Variants in ARHGEF3 observed in about 807,000 individuals in gnomAD.
ARHGEF3 encodes the protein Rho guanine nucleotide exchange factor 3.
Under a neutral mutation model 63.2 loss-of-function variants are expected in ARHGEF3, and 28 were observed. That is an observed-to-expected ratio of 0.44 (90% CI 0.33 to 0.61). The LOEUF is 0.61. Among genes scored for constraint, ARHGEF3 ranks in the 20% least tolerant of loss-of-function variants. ARHGEF3 has a pLI of 0.03. For synonymous variants in ARHGEF3, 266 were observed against 254.2 expected (o/e 1.05, Z -0.44); for missense variants, 533 against 659.3 (o/e 0.81, Z 2.10).
At chr3:57,027,608 A>T (rs1014844993) in intron 2 of ARHGEF3, among the ~76,000 whole-genome samples, 5 of 152,148 alleles carry the variant, frequency 3.3e-5, no homozygotes, top group Admixed American at 2.6e-4. Context: ...TAATCCCAGC[A>T]CTTTGGGAGG....
chr3:56,910,844 G>A (rs1017072659), intron 3 of ARHGEF3, among the ~76,000 whole-genome samples: 4 of 152,102 alleles, frequency 2.6e-5, no homozygotes, highest in African/African-American at 4.8e-5. Context: ...TGTTTGAAGC[G>A]CTTCACAGAT....
rs60299557 is a variant in ARHGEF3, at chr3:56,994,064, C to CAAAAAAAAAA, written c.63-35185_63-35176dup. On this transcript the variant is annotated intron_variant, in intron 2 of 12. Coordinates refer to the ARHGEF3 transcript ENST00000338458. ...GGGCGACAAGAGTGAAACTTCGTCT[C>CAAAAAAAAAA]AAAAAAAAAAAAAAAAAAAAAGCAC... Among the ~76,000 whole-genome samples, 21 of 59,732 alleles carry CAAAAAAAAAA rather than the reference C, an allele frequency of 3.5e-4. 2 individuals carry two copies. Among genetic ancestry groups the CAAAAAAAAAA allele is most frequent in the Non-Finnish European group, 5.0e-4 (15 of 29,892 alleles). 39.2% of individuals were successfully genotyped at this position (59,732 alleles called of 152,430 possible). A position where few individuals can be genotyped will look rare whatever the true frequency, so the allele number is the denominator to read the frequency against.
intron 2 of ARHGEF3, among the ~76,000 whole-genome samples, chr3:57,002,525 A>G: frequency 1.1e-5 from 1 of 94,866 alleles, no homozygotes; most frequent in African/African-American, 3.6e-5. Context: ...TTATATATGT[A>G]TGTTATATAT....
intron 2 of ARHGEF3, among the ~76,000 whole-genome samples, chr3:56,767,398 T>G (rs2035761688): frequency 2.0e-5 from 3 of 151,422 alleles, no homozygotes; most frequent in Non-Finnish European, 4.4e-5. Flanking sequence ...CTGGCTAACA[T>G]GGTGAAACCC....
intron 2 of ARHGEF3, among the ~76,000 whole-genome samples, chr3:57,034,157 G>A (rs6762342): frequency 0.26 from 39,111 of 151,760 alleles, 5,472 homozygotes; most frequent in Middle Eastern, 0.33. Flanking sequence ...GAGTCTTGCT[G>A]TGTTGCCCAG....
chr3:56,742,558 G>T (rs528417697), intron 7 of ARHGEF3, among the ~76,000 whole-genome samples: 31 of 152,062 alleles, frequency 2.0e-4, no homozygotes, highest in Admixed American at 1.9e-3. Context: ...AAGCTATATT[G>T]GTGCTTGTTT....
intron 2 of ARHGEF3, among the ~76,000 whole-genome samples, chr3:56,961,858 CATAGGGAAACACCA>C (rs1320274338): frequency 2.0e-5 from 3 of 152,168 alleles, no homozygotes; most frequent in African/African-American, 7.2e-5. Flanking sequence ...GCCTGGGCAA[CATAGGGAAACACCA>C]TCTCCGCTAA....
At chr3:56,748,549 ATTTT>A (rs71072193) in intron 6 of ARHGEF3, among the ~76,000 whole-genome samples, 41 of 136,680 alleles carry the variant, frequency 3.0e-4, no homozygotes, top group Admixed American at 6.6e-4. Context: ...GAAAAAATCT[ATTTT>A]TTTTTTTTTT....
At chr3:56,840,231 C>T (rs935304497) in intron 4 of ARHGEF3, among the ~76,000 whole-genome samples, 4 of 152,198 alleles carry the variant, frequency 2.6e-5, no homozygotes, top group African/African-American at 9.7e-5. Flanking sequence ...CAGCCAACAA[C>T]AGTCAACAAC....
At chr3:57,056,777 T>C (rs1490858202) in intron 1 of ARHGEF3, among the ~76,000 whole-genome samples, 4 of 152,174 alleles carry the variant, frequency 2.6e-5, no homozygotes, top group Admixed American at 6.5e-5. Flanking sequence ...CTTGAACATA[T>C]ACCACAAGGT....
intron 4 of ARHGEF3, among the ~76,000 whole-genome samples, chr3:56,814,958 A>G (rs1484227849): frequency 6.6e-6 from 1 of 152,074 alleles, no homozygotes; most frequent in African/African-American, 2.4e-5. Flanking sequence ...GTAAGACCTC[A>G]TCTCTACAAT....
At chr3:56,792,993 T>G (rs1351633813) in intron 1 of ARHGEF3, among the ~76,000 whole-genome samples, 1 of 131,070 alleles carries the variant, frequency 7.6e-6, no homozygotes, top group Non-Finnish European at 1.6e-5. Flanking sequence ...CGGCATTGGG[T>G]TTTTTTTTTT....
At chr3:56,813,879 T>C (rs1245819747) in intron 4 of ARHGEF3, among the ~76,000 whole-genome samples, 2 of 151,230 alleles carry the variant, frequency 1.3e-5, no homozygotes, top group African/African-American at 4.8e-5. Flanking sequence ...GCATCATTCC[T>C]GAATTTAGAT....
At chr3:57,052,473 T>G (rs1280527556) in intron 1 of ARHGEF3, among the ~76,000 whole-genome samples, 1 of 152,180 alleles carries the variant, frequency 6.6e-6, no homozygotes, top group East Asian at 1.9e-4. Flanking sequence ...ATTTTTGTAT[T>G]TTTAGTAGAG....
chr3:57,022,081 G>A (rs1244204461), intron 2 of ARHGEF3, among the ~76,000 whole-genome samples: 2 of 152,050 alleles, frequency 1.3e-5, no homozygotes, highest in Non-Finnish European at 2.9e-5. Context: ...GATCAGCCTG[G>A]GTAACCCAAT....
chr3:57,004,111 G>GAATATGGGCCCC (rs1473070149), intron 2 of ARHGEF3, among the ~76,000 whole-genome samples: 3 of 152,178 alleles, frequency 2.0e-5, no homozygotes, highest in Non-Finnish European at 2.9e-5. Flanking sequence ...AGACTGGATG[G>GAATATGGGCCCC]AATATGGGCC....
At chr3:56,859,092 T>A (rs1193369638) in intron 4 of ARHGEF3, among the ~76,000 whole-genome samples, 5 of 152,200 alleles carry the variant, frequency 3.3e-5, no homozygotes, top group Non-Finnish European at 7.4e-5. Flanking sequence ...ATTTTTATCA[T>A]GGACATTGTT....
chr3:56,867,140 AAG>A (rs1383409363), intron 4 of ARHGEF3, among the ~76,000 whole-genome samples: 22 of 152,344 alleles, frequency 1.4e-4, no homozygotes, highest in Non-Finnish European at 4.4e-5. Flanking sequence ...TATGTAGAGG[AAG>A]ACATGTTCTT....
chr3:56,990,596 T>A (rs1299914078), intron 2 of ARHGEF3, among the ~76,000 whole-genome samples: 1 of 152,042 alleles, frequency 6.6e-6, no homozygotes, highest in Non-Finnish European at 1.5e-5. Flanking sequence ...ATAAAATGGA[T>A]CCCCCTTGAC....
Sources: allele counts gnomAD v4.1 joint callset (sites outside exome capture counted in the v4.1 genomes callset), GRCh38; gene constraint gnomAD v4.1.1; transcripts MANE v1.5; gene names NCBI Gene and HGNC (gene_info 2026-07-23, HGNC 2026-07-21).